Variants in PDE4D observed in about 807,000 individuals in gnomAD.
PDE4D encodes 3',5'-cyclic-AMP phosphodiesterase 4D.
Under a neutral mutation model 87.4 loss-of-function variants are expected in PDE4D, and 24 were observed. That is an observed-to-expected ratio of 0.27 (90% CI 0.20 to 0.39). The LOEUF is 0.39. Among genes scored for constraint, PDE4D ranks in the 10% least tolerant of loss-of-function variants. The pLI is 1.00. For synonymous variants in PDE4D, 384 were observed against 383.2 expected, an observed-to-expected ratio of 1.00 and a Z score of -0.02; for missense variants, 714 against 1,041.0, an observed-to-expected ratio of 0.69 and a Z score of 4.32.
rs1170819844 is a variant in PDE4D at position 59,068,675 on chromosome 5, T to C, written c.809-29704A>G. On this transcript the variant is annotated intron_variant, in intron 5 of 14. Transcript: ENST00000340635. The stretch of plus-strand genomic sequence containing the variant: ...AGGAAGATCAACATGTAAGCACATG[T>C]AAAGCAAAATAATCAATAGGTAATG... 3.3e-5 allele frequency among the ~76,000 whole-genome samples: 5 copies of C among 152,142 alleles called. No homozygotes were observed. The East Asian group carries it at 9.6e-4, about 29-fold the overall frequency.
intron 1 of PDE4D, among the ~76,000 whole-genome samples, chr5:59,836,618 GTATC>G (rs6149046): frequency 0.02 from 2,740 of 140,460 alleles, 37 homozygotes; most frequent in East Asian, 0.045. Flanking sequence ...CTTCCAAGAT[GTATC>G]TATCTATCTA....
intron 1 of PDE4D, among the ~76,000 whole-genome samples, chr5:59,526,623 T>A (rs1813186859): frequency 6.6e-6 from 1 of 152,154 alleles, no homozygotes; most frequent in Non-Finnish European, 1.5e-5. Flanking sequence ...CTTTTCCCAT[T>A]GCTTAATTTT....
chr5:59,752,630 G>A (rs1323754659), intron 1 of PDE4D, among the ~76,000 whole-genome samples: 1 of 152,102 alleles, frequency 6.6e-6, no homozygotes, highest in Non-Finnish European at 1.5e-5. Flanking sequence ...AGTGCTTGGA[G>A]ACATTTTGAA....
chr5:59,876,044 T>C (rs1451858668), intron 1 of PDE4D, among the ~76,000 whole-genome samples: 1 of 152,138 alleles, frequency 6.6e-6, no homozygotes, highest in Admixed American at 6.5e-5. Flanking sequence ...AAATAATCGC[T>C]ACAACAAGCC....
intron 1 of PDE4D, among the ~76,000 whole-genome samples, chr5:59,239,969 C>A (rs1244003801): frequency 2.0e-5 from 3 of 152,136 alleles, no homozygotes; most frequent in African/African-American, 7.2e-5. Flanking sequence ...TTTCTTCTTT[C>A]CCCTTTGAAT....
chr5:59,368,442 C>T (rs1389744841), intron 1 of PDE4D, among the ~76,000 whole-genome samples: 1 of 152,142 alleles, frequency 6.6e-6, no homozygotes. Context: ...ATGCATTAGG[C>T]ACCTGAAATT....
intron 2 of PDE4D, among the ~76,000 whole-genome samples, chr5:60,164,014 T>C (rs780193507): frequency 2.6e-5 from 4 of 152,222 alleles, no homozygotes; most frequent in Admixed American, 6.5e-5. Flanking sequence ...CATTTAAATA[T>C]GTTAACCTCA....
At chr5:59,642,777 T>TAGAG (rs1741818711) in intron 1 of PDE4D, among the ~76,000 whole-genome samples, 1 of 151,970 alleles carries the variant, frequency 6.6e-6, no homozygotes, top group South Asian at 2.1e-4. Context: ...TACAAGGTGT[T>TAGAG]AGAGTCATTC....
intron 6 of PDE4D, among the ~76,000 whole-genome samples, chr5:58,994,850 G>C (rs572476277): frequency 6.6e-6 from 1 of 151,726 alleles, no homozygotes; most frequent in Non-Finnish European, 1.5e-5. Flanking sequence ...GCATGCCAGC[G>C]TAGTCAAAAA....
chr5:59,886,910 G>A (rs951530891), intron 1 of PDE4D, among the ~76,000 whole-genome samples: 1 of 151,416 alleles, frequency 6.6e-6, no homozygotes, highest in Non-Finnish European at 1.5e-5. Flanking sequence ...GGTGAAACTG[G>A]TAGCCTGGGG....
chr5:59,285,790 A>C (rs1766825662), intron 1 of PDE4D, among the ~76,000 whole-genome samples: 3 of 152,168 alleles, frequency 2.0e-5, no homozygotes, highest in Non-Finnish European at 4.4e-5. Context: ...ACATTTTGGC[A>C]GGACAATGGG....
intron 1 of PDE4D, among the ~76,000 whole-genome samples, chr5:59,744,622 A>G (rs1216518034): frequency 1.3e-5 from 2 of 152,150 alleles, no homozygotes; most frequent in Non-Finnish European, 2.9e-5. Context: ...AAGAGATTTA[A>G]AAGCAGACAG....
At chr5:59,022,315 C>T (rs1261809673) in intron 6 of PDE4D, among the ~76,000 whole-genome samples, 1 of 152,062 alleles carries the variant, frequency 6.6e-6, no homozygotes, top group Non-Finnish European at 1.5e-5. Flanking sequence ...AGTCTGACTC[C>T]CCTCCTTCTC....
chr5:59,566,069 G>A (rs1284135169), intron 1 of PDE4D, among the ~76,000 whole-genome samples: 1 of 152,158 alleles, frequency 6.6e-6, no homozygotes, highest in Non-Finnish European at 1.5e-5. Flanking sequence ...CCACCTCTTA[G>A]CCAGAATGAT....
At chr5:59,585,735 C>A (rs1057028026) in intron 1 of PDE4D, among the ~76,000 whole-genome samples, 1 of 152,184 alleles carries the variant, frequency 6.6e-6, no homozygotes, top group African/African-American at 2.4e-5. Context: ...AATATCAAGG[C>A]ACTAAGCAAG....
chr5:60,407,393 C>A (rs1741632409), intron 1 of PDE4D, among the ~76,000 whole-genome samples: 1 of 151,262 alleles, frequency 6.6e-6, no homozygotes, highest in Non-Finnish European at 1.5e-5. Context: ...CCTCTCTTCC[C>A]CTCTGCTTGC....
chr5:60,440,228 T>G (rs1745094273), intron 1 of PDE4D, among the ~76,000 whole-genome samples: 1 of 152,186 alleles, frequency 6.6e-6, no homozygotes, highest in African/African-American at 2.4e-5. Flanking sequence ...CATTTTTGAC[T>G]AGTTTGATAA....
intron 2 of PDE4D, among the ~76,000 whole-genome samples, chr5:60,078,047 C>T (rs34228692): frequency 0.14 from 21,357 of 152,116 alleles, 1,549 homozygotes; most frequent in Middle Eastern, 0.23. Flanking sequence ...TTTCTGATGT[C>T]CCAGTCCTTT....
intron 2 of PDE4D, among the ~76,000 whole-genome samples, chr5:59,204,174 G>A (rs1215638017): frequency 6.8e-6 from 1 of 147,362 alleles, no homozygotes; most frequent in Non-Finnish European, 1.5e-5. Flanking sequence ...AAGAATTAGA[G>A]CCCGGCCCCA....
Sources: gnomAD v4.1 joint callset for allele counts (sites outside exome capture counted in the v4.1 genomes callset) on GRCh38, gnomAD v4.1.1 for gene constraint, MANE v1.5 for transcripts, NCBI Gene and HGNC (gene_info 2026-07-23, HGNC 2026-07-21) for gene names.